Variants in PDE8A observed in about 807,000 individuals in gnomAD.
PDE8A encodes the protein phosphodiesterase 8A, also known as high affinity cAMP-specific and IBMX-insensitive 3',5'-cyclic phosphodiesterase 8A.
Under a neutral mutation model 105.0 loss-of-function variants are expected in PDE8A, and 59 were observed. The observed-to-expected ratio is 0.56, with a 90% confidence interval of 0.46 to 0.70. The LOEUF (loss-of-function observed/expected upper bound fraction) is 0.70. Among genes scored for constraint, PDE8A ranks in the 30% least tolerant of loss-of-function variants. The pLI, the probability that PDE8A is intolerant of heterozygous loss-of-function variation, is 0.00. For missense variants in PDE8A, 1,014 were observed against 1,045.9 expected (o/e 0.97, Z 0.42); for synonymous variants, 355 against 371.9 (o/e 0.95, Z 0.52).
chr15:85,120,339 C>T (rs2082162322), intron 17 of PDE8A: 1 of 152,250 alleles, frequency 6.6e-6, no homozygotes. Flanking sequence ...TTTTGTCAAA[C>T]TCACAAAACT....
chr15:85,050,195 C>G (rs1265262658), intron 1 of PDE8A, among the ~76,000 whole-genome samples: 3 of 152,072 alleles, frequency 2.0e-5, no homozygotes, highest in African/African-American at 7.2e-5. Flanking sequence ...TAGGGGTTCT[C>G]TATATATTGT....
chr15:85,088,978 C>CT (rs2081596878), intron 6 of PDE8A, among the ~76,000 whole-genome samples: 1 of 152,072 alleles, frequency 6.6e-6, no homozygotes, highest in African/African-American at 2.4e-5. Flanking sequence ...ACTCTATTCT[C>CT]TTATTTAGTC....
chr15:85,058,813 G>A (rs1410078844), intron 1 of PDE8A, among the ~76,000 whole-genome samples: 3 of 152,014 alleles, frequency 2.0e-5, no homozygotes, highest in African/African-American at 7.3e-5. Context: ...TCTTGCTAAA[G>A]GTTTGTCAAT....
At chr15:85,057,210 G>T (rs1381986172) in intron 1 of PDE8A, among the ~76,000 whole-genome samples, 2 of 152,130 alleles carry the variant, frequency 1.3e-5, no homozygotes, top group Admixed American at 6.5e-5. Context: ...TGAGGTGTCA[G>T]TTGGCCCCTA....
At chr15:85,024,648 A>G (rs1368082209) in intron 1 of PDE8A, among the ~76,000 whole-genome samples, 1 of 152,124 alleles carries the variant, frequency 6.6e-6, no homozygotes, top group Non-Finnish European at 1.5e-5. Context: ...AGGGGGTCAA[A>G]AGAAACTTCT....
rs571550987 is a variant in PDE8A at position 85,114,642 on chromosome 15, T to C, written c.1350+605T>C. Reference sequence around the variant, plus strand: ...TATTCCATTGCTCTCTGTCAGCTTTTGTCTTGGTCAGAAGCAAAATCCACC... The same window carrying C: ...TATTCCATTGCTCTCTGTCAGCTTTCGTCTTGGTCAGAAGCAAAATCCACC... On this transcript the variant is annotated intron_variant, in intron 14 of 21. Transcript: ENST00000394553. 3.0e-4 allele frequency among the ~76,000 whole-genome samples: 45 copies of C among 152,320 alleles called. 1 individual carries two copies. The Middle Eastern group carries it at 0.014, about 46-fold the overall frequency.
upstream of PDE8A, among the ~76,000 whole-genome samples, chr15:84,981,124 G>A (rs2142127044): frequency 6.6e-6 from 1 of 152,364 alleles, no homozygotes; most frequent in South Asian, 2.1e-4. Context: ...CTAAGTTACG[G>A]AGCCGGAATT....
intron 21 of PDE8A, 77 bp downstream of exon 21, chr15:85,136,740 G>A: frequency 7.1e-7 from 1 of 1,406,502 alleles, no homozygotes; most frequent in Non-Finnish European, 9.7e-7. Flanking sequence ...GAGTGCATTT[G>A]ACTGTAGAAT....
At chr15:85,074,313 G>T (rs2081352838) in intron 3 of PDE8A, among the ~76,000 whole-genome samples, 1 of 152,226 alleles carries the variant, frequency 6.6e-6, no homozygotes, top group Non-Finnish European at 1.5e-5. Context: ...TGCTACAGTG[G>T]TAGAGTTGAG....
At chr15:85,091,901 C>CT (rs563631633) in intron 8 of PDE8A, among the ~76,000 whole-genome samples, 7,285 of 88,290 alleles carry the variant, frequency 0.083, 646 homozygotes, top group African/African-American at 0.14. Context: ...TTCTGCTGGA[C>CT]TTTTTTTTTT....
chr15:85,066,384 G>T (rs1268671128), intron 2 of PDE8A, among the ~76,000 whole-genome samples: 1 of 151,574 alleles, frequency 6.6e-6, no homozygotes, highest in Non-Finnish European at 1.5e-5. Context: ...AACATGGAGG[G>T]ACCCCATCTC....
rs1391937311 is a variant in PDE8A, at chr15:85,113,985, G to T, written c.1298G>T (p.Gly433Val). The stretch of plus-strand genomic sequence containing the variant: ...ACTGAGTTATATTCACCACAGTTTG[G>T]TGCTAAAGATGATGATCCCCATGCC... ...RTTELYSPQF[G>V]AKDDDPHAND... The change falls in exon 14 of 22, where the codon GGT becomes GTT. Residue 433 changes from glycine (G) to valine (V), a missense_variant. By Grantham distance (109) the Gly-to-Val change is moderately radical. Transcript: ENST00000394553. 1 of 1,614,002 alleles carries T rather than the reference G, an allele frequency of 6.2e-7. No homozygotes were observed. Among genetic ancestry groups the T allele is most frequent in the East Asian group, 2.2e-5 (1 of 44,888 alleles).
At chr15:85,081,442 A>C (rs115346635) in intron 5 of PDE8A, among the ~76,000 whole-genome samples, 2,896 of 152,280 alleles carry the variant, frequency 0.019, 69 homozygotes, top group African/African-American at 0.056. Flanking sequence ...GTTGAGAACC[A>C]CTGGGAGAGG....
At chr15:84,993,167 GGC>G (rs2079911918) in intron 1 of PDE8A, among the ~76,000 whole-genome samples, 5 of 152,188 alleles carry the variant, frequency 3.3e-5, no homozygotes, top group Non-Finnish European at 7.3e-5. Context: ...GGATCGGCTG[GGC>G]GTGGTGGCTC....
At chr15:85,076,033 C>G (rs941169060) in intron 4 of PDE8A, 115 bp downstream of exon 4, 1 of 557,480 alleles carries the variant, frequency 1.8e-6, no homozygotes, top group African/African-American at 1.9e-5. Flanking sequence ...TGTAGTGTGG[C>G]CTTCTCTTCT....
intron 1 of PDE8A, among the ~76,000 whole-genome samples, chr15:84,999,870 G>A (rs757853521): frequency 1.3e-5 from 2 of 152,012 alleles, no homozygotes; most frequent in South Asian, 4.1e-4. Context: ...TACTGCGCCC[G>A]GCTGGCCTCC....
chr15:85,009,090 TGAGAGA>T (rs747103517), intron 1 of PDE8A, among the ~76,000 whole-genome samples: 24 of 147,828 alleles, frequency 1.6e-4, no homozygotes, highest in African/African-American at 5.3e-4. Flanking sequence ...TGTTAGTGTG[TGAGAGA>T]GAGAGAGAGA....
chr15:85,138,203 G>C lies in PDE8A; in HGVS notation c.*300G>C, dbSNP rs1240725525. 3.8e-6 allele frequency: 1 copy of C among 263,198 alleles called. No individual in the cohort carries two copies. Among genetic ancestry groups the C allele is most frequent in the East Asian group, 7.4e-5 (1 of 13,490 alleles). 16.3% of individuals were successfully genotyped at this position (263,198 alleles called of 1,614,324 possible). On this transcript the variant is annotated 3_prime_UTR_variant, in exon 22 of 22. Transcript: ENST00000394553. Reference sequence around the variant, plus strand: ...ACAAGGTCTGGAGTGCCCCTGCAAAGGGTATTGATGGACTTCCTGCCAGTG... The same window carrying C: ...ACAAGGTCTGGAGTGCCCCTGCAAACGGTATTGATGGACTTCCTGCCAGTG...
intron 1 of PDE8A, among the ~76,000 whole-genome samples, chr15:84,993,926 T>C (rs990227633): frequency 1.3e-5 from 2 of 152,302 alleles, no homozygotes; most frequent in Middle Eastern, 3.4e-3. Flanking sequence ...TAAGCAGTTT[T>C]GTTTTTTAGT....
Sources: allele counts gnomAD v4.1 joint callset (sites outside exome capture counted in the v4.1 genomes callset), GRCh38; gene constraint gnomAD v4.1.1; transcripts MANE v1.5; gene names NCBI Gene and HGNC (gene_info 2026-07-23, HGNC 2026-07-21).